RGS6: variants seen among roughly 807,000 people sequenced by gnomAD.
The protein encoded by RGS6 is regulator of G protein signaling 6.
In RGS6, 30 loss-of-function variants were observed where a neutral mutation model predicts 78.5. The observed-to-expected ratio is 0.38, with a 90% confidence interval of 0.29 to 0.52. The LOEUF is 0.52. Among genes scored for constraint, RGS6 ranks in the 20% least tolerant of loss-of-function variants. RGS6 has a pLI of 0.85. For missense variants in RGS6, 495 were observed against 609.7 expected, an observed-to-expected ratio of 0.81 and a Z score of 1.98; for synonymous variants, 206 against 206.0, an observed-to-expected ratio of 1.00 and a Z score of 0.00.
chr14:72,540,661 A>T (rs2097313074), intron 17 of RGS6: 1 of 1,396,940 alleles, frequency 7.2e-7, no homozygotes, highest in African/African-American at 1.4e-5. Flanking sequence ...TCGCCTCTGC[A>T]TGAGTCCCTT....
At chr14:72,321,388 A>G (rs1308361666) in intron 2 of RGS6, among the ~76,000 whole-genome samples, 7 of 152,090 alleles carry the variant, frequency 4.6e-5, no homozygotes, top group Admixed American at 1.3e-4. Flanking sequence ...AGTGGGCTAA[A>G]CTCCCATATT....
At chr14:72,166,216 C>G (rs1034403843) in intron 2 of RGS6, among the ~76,000 whole-genome samples, 2 of 151,858 alleles carry the variant, frequency 1.3e-5, no homozygotes, top group African/African-American at 4.8e-5. Context: ...CATTATCTTC[C>G]TGCCTTCAAA....
intron 2 of RGS6, among the ~76,000 whole-genome samples, chr14:72,050,152 G>A (rs1012617032): frequency 6.6e-5 from 10 of 152,150 alleles, no homozygotes; most frequent in Admixed American, 5.2e-4. Flanking sequence ...AAATGTGACA[G>A]AATTCTGCAT....
chr14:72,583,194 C>T, the RGS6 span, among the ~76,000 whole-genome samples: 1 of 152,214 alleles, frequency 6.6e-6, no homozygotes, highest in African/African-American at 2.4e-5. Flanking sequence ...CCTCCTGCTT[C>T]TCAGGCCTTT....
At chr14:71,878,948 G>A in the RGS6 span, among the ~76,000 whole-genome samples, 7 of 152,242 alleles carry the variant, frequency 4.6e-5, no homozygotes, top group African/African-American at 1.7e-4. Flanking sequence ...TTTTGTGTGT[G>A]GTTTTATGTC....
chr14:71,954,325 T>A (rs2092621149), intron 1 of RGS6, among the ~76,000 whole-genome samples: 1 of 152,082 alleles, frequency 6.6e-6, no homozygotes, highest in Non-Finnish European at 1.5e-5. Context: ...TTTATATTGT[T>A]CTATAGTTCC....
chr14:72,530,150 G>A, intron 15 of RGS6, among the ~76,000 whole-genome samples: 1 of 152,156 alleles, frequency 6.6e-6, no homozygotes, highest in East Asian at 1.9e-4. Context: ...AGCTGTCTAG[G>A]GGAGGTTTCC....
At chr14:72,356,431 C>T (rs751654306) in intron 3 of RGS6, among the ~76,000 whole-genome samples, 8 of 152,162 alleles carry the variant, frequency 5.3e-5, no homozygotes, top group Non-Finnish European at 8.8e-5. Context: ...GTCAATTAAG[C>T]TTCTTTCCTT....
chr14:72,287,897 A>T (rs1306272080), intron 2 of RGS6, among the ~76,000 whole-genome samples: 1 of 152,230 alleles, frequency 6.6e-6, no homozygotes, highest in East Asian at 1.9e-4. Context: ...TATTATATCA[A>T]TTGATTTGCA....
chr14:72,505,909 G>C (rs1427114086), intron 13 of RGS6, among the ~76,000 whole-genome samples: 3 of 152,186 alleles, frequency 2.0e-5, no homozygotes, highest in Admixed American at 2.0e-4. Flanking sequence ...TCCTCAGTTT[G>C]GTAACTTTCC....
intron 2 of RGS6, among the ~76,000 whole-genome samples, chr14:72,350,932 TATGATG>T (rs1025711724): frequency 2.6e-5 from 4 of 152,126 alleles, no homozygotes; most frequent in Non-Finnish European, 5.9e-5. Context: ...TTTAGCTATT[TATGATG>T]ATGATGATGA....
chr14:72,597,294 C>T, the RGS6 span, among the ~76,000 whole-genome samples: 78 of 152,108 alleles, frequency 5.1e-4, no homozygotes, highest in African/African-American at 1.8e-3. Flanking sequence ...ATAATAGCAT[C>T]GAATGCATTT....
the RGS6 span, among the ~76,000 whole-genome samples, chr14:72,578,681 C>T: frequency 1.3e-5 from 2 of 152,204 alleles, no homozygotes; most frequent in African/African-American, 4.8e-5. Context: ...CACAATGAGA[C>T]CCGCACACAG....
intron 2 of RGS6, among the ~76,000 whole-genome samples, chr14:71,997,417 G>T (rs576910025): frequency 1.6e-4 from 25 of 152,230 alleles, no homozygotes; most frequent in Admixed American, 1.5e-3. Context: ...TGGCATAGAG[G>T]GTCAGGGCTT....
intron 2 of RGS6, among the ~76,000 whole-genome samples, chr14:72,072,443 G>C (rs2153457623): frequency 6.6e-6 from 1 of 152,198 alleles, no homozygotes; most frequent in Non-Finnish European, 1.5e-5. Flanking sequence ...TGAGTGCTGG[G>C]ACTACAGGTG....
chr14:72,374,320 A>T (rs1292248619), intron 3 of RGS6, among the ~76,000 whole-genome samples: 1 of 149,330 alleles, frequency 6.7e-6, no homozygotes, highest in Admixed American at 6.7e-5. Context: ...ATTCCTACCT[A>T]TGAGTGAGAA....
the RGS6 span, among the ~76,000 whole-genome samples, chr14:71,917,749 C>T: frequency 6.6e-5 from 10 of 152,216 alleles, no homozygotes; most frequent in Non-Finnish European, 4.4e-5. Flanking sequence ...CAGGGGTCAT[C>T]TTTCGGTAGT....
chr14:72,574,387 C>G, the RGS6 span, among the ~76,000 whole-genome samples: 1 of 152,164 alleles, frequency 6.6e-6, no homozygotes, highest in Non-Finnish European at 1.5e-5. Flanking sequence ...TAGGAGTGAC[C>G]ACCCCAGCAA....
At chr14:72,170,267 C>A (rs2096993296) in intron 2 of RGS6, among the ~76,000 whole-genome samples, 2 of 152,204 alleles carry the variant, frequency 1.3e-5, no homozygotes, top group South Asian at 4.1e-4. Flanking sequence ...TTAATACAGA[C>A]TGAGGTAGAC....
Sources: allele counts gnomAD v4.1 joint callset (sites outside exome capture counted in the v4.1 genomes callset), GRCh38; gene constraint gnomAD v4.1.1; transcripts MANE v1.5; gene names NCBI Gene and HGNC (gene_info 2026-07-23, HGNC 2026-07-21).